Variants in SEC16A observed in about 807,000 individuals in gnomAD.
The protein encoded by SEC16A is SEC16 homolog A, endoplasmic reticulum export factor.
Under a neutral mutation model 221.9 loss-of-function variants are expected in SEC16A, and 110 were observed. That is an observed-to-expected ratio of 0.50 (90% confidence interval 0.42 to 0.58). The LOEUF (loss-of-function observed/expected upper bound fraction) is 0.58, where lower values mean the gene tolerates loss of function less well. SEC16A is among the 20% of genes least tolerant of loss of function. The pLI is 0.00. For synonymous variants in SEC16A, 1,393 were observed against 1,257.7 expected (o/e 1.11, Z -2.28); for missense variants, 3,165 against 3,097.8 (o/e 1.02, Z -0.52).
At chr9:136,460,209 T>C in intron 13 of SEC16A, 86 bp from the exon 14 acceptor site, 4 of 1,139,010 alleles carry the variant, frequency 3.5e-6, no homozygotes, top group Non-Finnish European at 5.1e-6. Context: ...ACGCCTGTAA[T>C]CCCAGCACTT....
At position 136,446,747 on chromosome 9, in the gene SEC16A, C is replaced by T. The variant is rs537934899; in HGVS notation, c.6792+108G>A. 11 of 1,152,460 alleles carry T rather than the reference C, an allele frequency of 9.5e-6. No individual in the cohort carries two copies. In the South Asian group the frequency reaches 1.5e-4, roughly 16 times the overall value. 71.4% of individuals were successfully genotyped at this position (1,152,460 alleles called of 1,614,324 possible). A position where few individuals can be genotyped will look rare whatever the true frequency, so the allele number is the denominator to read the frequency against. On this transcript the variant is annotated intron_variant, in intron 28 of 31. Coordinates refer to ENST00000684901, the MANE Select transcript of SEC16A (RefSeq NM_014866.2). ...TGTGAGGCGTTTAAGGCGGAACACT[C>T]TACGTACACATTGGATACTGACTTG...
At chr9:136,484,372 C>T, upstream of SEC16A, 1 of 1,167,946 alleles carries the variant, frequency 8.6e-7, no homozygotes. Context: ...TCGCAGGGAA[C>T]AGGTGGGCAC....
intron 1 of SEC16A, among the ~76,000 whole-genome samples, chr9:136,481,014 T>C (rs1842253308): frequency 6.6e-6 from 1 of 152,222 alleles, no homozygotes; most frequent in South Asian, 2.1e-4. Context: ...CATGCCACTT[T>C]CATTTGGAAC....
intron 23 of SEC16A, among the ~76,000 whole-genome samples, chr9:136,450,273 G>A (rs572873478): frequency 2.0e-5 from 3 of 152,234 alleles, no homozygotes; most frequent in Non-Finnish European, 2.9e-5. Context: ...ATTGGGAGAA[G>A]ATATCACAAT....
chr9:136,443,841 G>A lies in SEC16A; in HGVS notation c.6987C>T (p.Asn2329=). 6.2e-7 allele frequency: 1 copy of A among 1,612,450 alleles called. No individual in the cohort carries two copies. Among genetic ancestry groups the A allele is most frequent in the South Asian group, 1.1e-5 (1 of 90,804 alleles). The change falls in exon 31 of 32, where the codon AAC becomes AAT. Residue 2329 remains asparagine, a synonymous_variant. Transcript: ENST00000684901. Reference sequence around the variant, plus strand: ...CACTCACCTGTGCCAGCTGAGCAGGGTTGTAGAAGGGCATGGCCCCGCTGG... The same window carrying A: ...CACTCACCTGTGCCAGCTGAGCAGGATTGTAGAAGGGCATGGCCCCGCTGG... ...GPPSGAMPFY[N]PAQLAQACAT... is the part of the protein sequence containing the mutation.
intron 20 of SEC16A, among the ~76,000 whole-genome samples, 172 bp from the exon 21 acceptor site, chr9:136,454,499 C>T (rs1371870989): frequency 5.3e-5 from 8 of 152,258 alleles, no homozygotes; most frequent in Non-Finnish European, 2.9e-5. Flanking sequence ...CCGCACCATC[C>T]GTGGTTTGCA....
In SEC16A at chr9:136,447,832, G is replaced by A; in HGVS notation, c.6447+21C>T. On this transcript the variant is annotated intron_variant, in intron 25 of 31. Coordinates refer to ENST00000684901, the MANE Select transcript of SEC16A (RefSeq NM_014866.2). The surrounding 1 kb of genome is among the most constrained non-coding windows in gnomAD (Gnocchi z 5.5). The stretch of plus-strand genomic sequence containing the variant: ...CTCCACTCACACCTCACACCCAACA[G>A]GAACTAGAATGACAATTTACCTCCT... 1 of 1,604,862 alleles carries A rather than the reference G, an allele frequency of 6.2e-7. No individual in the cohort carries two copies. The highest frequency in any genetic ancestry group is 8.5e-7 in the Non-Finnish European group (1 of 1,174,704).
chr9:136,476,459 T>G lies in SEC16A; in HGVS notation c.1157A>C (p.Asn386Thr). The G allele has an allele frequency of 6.2e-7, 1 of 1,613,096 alleles. No homozygotes were observed. The highest frequency in any genetic ancestry group is 1.1e-5 in the South Asian group (1 of 91,042). ...FQGGETENEE[N>T]LSSEKAGLSG... is the part of the protein sequence containing the mutation. The stretch of plus-strand genomic sequence containing the variant: ...TAAGCCTGCTTTTTCAGATGAGAGA[T>G]TCTCCTCATTTTCTGTCTCTCCCCC... The change falls in exon 3 of 32, where the codon AAT (asparagine) becomes ACT (threonine). Residue 386 changes from asparagine (N) to threonine (T), a missense_variant. Physicochemically the swap from Asn to Thr is moderately conservative, Grantham distance 65. Around this residue, in one of 3 missense-constraint regions of SEC16A, gnomAD observed 2,030 missense variants for 1,923.1 expected, o/e 1.06. Coordinates refer to ENST00000684901, the MANE Select transcript of SEC16A (RefSeq NM_014866.2).
upstream of SEC16A, chr9:136,483,733 G>A (rs1054511816): frequency 4.7e-5 from 46 of 985,452 alleles, no homozygotes; most frequent in African/African-American, 7.8e-4. Context: ...GAGAAGCGCG[G>A]GGCCCTGACG....
chr9:136,463,861 G>A (rs139749743), intron 9 of SEC16A, 121 bp from the exon 10 acceptor site: 12 of 999,654 alleles, frequency 1.2e-5, no homozygotes, highest in East Asian at 4.9e-5. Flanking sequence ...CACCTGCCCC[G>A]CCCCACAGCA....
chr9:136,463,112 A>G lies in SEC16A; in HGVS notation c.4668T>C (p.Ile1556=). ...TGTGGTCTCGTAACAGAAGCTCCGC[A>G]ATGTCGGTCCCTACCACGGTCTGTT... is the stretch of plus-strand genomic sequence containing the variant. ...RQNGTVVGTD[I]AELLLRDHRT... is the part of the protein sequence containing the mutation. The change falls in exon 12 of 32, where the codon ATT becomes ATC. Residue 1556 remains isoleucine, a synonymous_variant. Transcript: ENST00000684901. 3.1e-6 allele frequency: 5 copies of G among 1,611,034 alleles called. No individual in the cohort carries two copies. Among genetic ancestry groups the G allele is most frequent in the Non-Finnish European group, 4.2e-6 (5 of 1,179,880 alleles).
rs571167877 is a variant in SEC16A at position 136,443,900 on chromosome 9, C to T, written c.6928G>A (p.Ala2310Thr). The T allele has an allele frequency of 6.2e-7, 1 of 1,608,300 alleles. No individual in the cohort carries two copies. Among genetic ancestry groups the T allele is most frequent in the Non-Finnish European group, 8.5e-7 (1 of 1,177,642 alleles). Reference protein sequence around the residue: ...SREVSQHFNQAPGDLPAAGGP... With the variant: ...SREVSQHFNQTPGDLPAAGGP... ...CCTGCAGCAGGGAGGTCGCCAGGAG[C>T]CTGAGAAGCACAGAGAAGTCACCTC... is the stretch of plus-strand genomic sequence containing the variant. Residue 2310 changes from alanine to threonine, a missense_variant and splice_region_variant, in exon 31 of 32, where the codon GCT becomes ACT. By Grantham distance (58) the Ala-to-Thr change is moderately conservative. This residue lies in a region of SEC16A where 1,088 missense variants were observed against 1,089.6 expected (regional missense o/e 1.00). Coordinates refer to ENST00000684901, the MANE Select transcript of SEC16A (RefSeq NM_014866.2).
chr9:136,460,885 C>T (rs1385635040), intron 13 of SEC16A, among the ~76,000 whole-genome samples: 33 of 152,108 alleles, frequency 2.2e-4, no homozygotes, highest in Non-Finnish European at 4.7e-4. Flanking sequence ...TGCACTTCAG[C>T]CTGGGCAACA....
chr9:136,443,805 A>G lies in SEC16A; in HGVS notation c.7005+18T>C. The G allele has an allele frequency of 6.2e-7, 1 of 1,604,996 alleles. No individual in the cohort carries two copies. Among genetic ancestry groups the G allele is most frequent in the Non-Finnish European group, 8.5e-7 (1 of 1,173,874 alleles). ...TGGGCGTGTTAGGGTCTCGTAGGGA[A>G]AGGTAGGAGTCACTCACCTGTGCCA... On this transcript the variant is annotated intron_variant, in intron 31 of 31. Transcript: ENST00000684901.
upstream of SEC16A, chr9:136,484,601 C>G (rs1842764506): frequency 2.1e-5 from 29 of 1,354,874 alleles, no homozygotes; most frequent in Non-Finnish European, 2.8e-5. Flanking sequence ...GGCTGAGGTC[C>G]TCCCTGGGTG....
chr9:136,455,499 A>T (rs1402826039), intron 20 of SEC16A, 102 bp downstream of exon 20: 5 of 1,135,332 alleles, frequency 4.4e-6, no homozygotes, highest in Non-Finnish European at 6.1e-6. Flanking sequence ...CCAACAGTCC[A>T]CATCTGAAAG....
At position 136,475,443 on chromosome 9, in the gene SEC16A, G is replaced by A; in HGVS notation, c.2173C>T (p.Leu725=). ...PVKCESPATT[L]WAQSELPDFG... ...TCTGGCAGCTCACTTTGCGCCCACAGAGTCGTTGCTGGGCTCTCACACTTC... is the reference window on the plus strand; with the variant it reads ...TCTGGCAGCTCACTTTGCGCCCACAAAGTCGTTGCTGGGCTCTCACACTTC... The change falls in exon 3 of 32, where the codon CTG becomes TTG. Residue 725 remains leucine (L), a synonymous_variant. Transcript: ENST00000684901. The surrounding 1 kb of genome is among the most constrained non-coding windows in gnomAD (Gnocchi z 5.0). The A allele has an allele frequency of 6.2e-7, 1 of 1,610,622 alleles. No homozygotes were observed. Among genetic ancestry groups the A allele is most frequent in the South Asian group, 1.1e-5 (1 of 90,830 alleles).
At position 136,464,495 on chromosome 9, in the gene SEC16A, G is replaced by A. The variant is rs375545973; in HGVS notation, c.4371C>T (p.Gly1457=). The A allele has an allele frequency of 9.3e-6, 15 of 1,612,504 alleles. No homozygotes were observed. Among genetic ancestry groups the A allele is most frequent in the Middle Eastern group, 1.6e-4 (1 of 6,082 alleles). Residue 1457 remains glycine, a synonymous_variant, in exon 9 of 32, where the codon GGC becomes GGT. Coordinates refer to ENST00000684901, the MANE Select transcript of SEC16A (RefSeq NM_014866.2). ...VPHVCARFGP[G]GQLIKVIPNL... The stretch of plus-strand genomic sequence containing the variant: ...TGGGAATCACTTTGATAAGCTGACC[G>A]CCAGGGCCAAACCTGGCACAGACAT...
At chr9:136,479,995 G>A (rs1842120518) in intron 1 of SEC16A, among the ~76,000 whole-genome samples, 1 of 140,718 alleles carries the variant, frequency 7.1e-6, no homozygotes, top group Admixed American at 7.1e-5. Flanking sequence ...GAGTGAAACT[G>A]TCTCAAAAAA....
Sources: gnomAD v4.1 joint callset for allele counts (sites outside exome capture counted in the v4.1 genomes callset) on GRCh38, gnomAD v4.1.1 for gene constraint, gnomAD v4.1.1 regional missense constraint, Gnocchi (gnomAD v3.1) non-coding constraint, MANE v1.5 for transcripts, NCBI Gene and HGNC (gene_info 2026-07-23, HGNC 2026-07-21) for gene names.